The following LRP1B variants were observed in gnomAD, a reference collection of about 807,000 sequenced individuals.
LRP1B encodes the protein LDL receptor related protein 1B, also known as low-density lipoprotein receptor-related protein 1B.
In LRP1B, 217 loss-of-function variants were observed where a neutral mutation model predicts 556.6. The observed-to-expected ratio is 0.39, with a 90% confidence interval of 0.35 to 0.44. The LOEUF (loss-of-function observed/expected upper bound fraction) is 0.44. LRP1B is among the 20% of genes least tolerant of loss of function. The probability of loss-of-function intolerance (pLI) is 1.00; values close to 1 mark genes in which losing one functional copy is unlikely to be tolerated. For missense variants in LRP1B, 5,053 were observed against 5,620.8 expected, an observed-to-expected ratio of 0.90 and a Z score of 3.23; for synonymous variants, 2,047 against 1,865.8, an observed-to-expected ratio of 1.10 and a Z score of -2.50.
At chr2:140,345,735 T>C (rs562971142) in intron 77 of LRP1B, among the ~76,000 whole-genome samples, 7 of 121,762 alleles carry the variant, frequency 5.7e-5, no homozygotes, top group Non-Finnish European at 1.1e-4. Context: ...TACACATATA[T>C]ATACATATAT....
chr2:140,800,623 C>T (rs1445076438), intron 32 of LRP1B, among the ~76,000 whole-genome samples: 6 of 151,996 alleles, frequency 3.9e-5, no homozygotes, highest in Admixed American at 6.6e-5. Flanking sequence ...TAATGTTGTT[C>T]GGCCTGGTTA....
At chr2:140,974,319 A>G (rs992393554) in intron 18 of LRP1B, among the ~76,000 whole-genome samples, 1 of 152,192 alleles carries the variant, frequency 6.6e-6, no homozygotes, top group African/African-American at 2.4e-5. Flanking sequence ...GAATTCCTAT[A>G]TTGGAAAAGA....
At chr2:141,400,933 T>C (rs1362540357) in intron 3 of LRP1B, among the ~76,000 whole-genome samples, 1 of 152,208 alleles carries the variant, frequency 6.6e-6, no homozygotes, top group Non-Finnish European at 1.5e-5. Flanking sequence ...CCAATATAGA[T>C]GCATCATTCC....
chr2:141,826,628 G>A (rs1696938587), intron 1 of LRP1B, among the ~76,000 whole-genome samples: 1 of 151,798 alleles, frequency 6.6e-6, no homozygotes. Flanking sequence ...CAAAGTGCTG[G>A]GATTACAGGC....
intron 2 of LRP1B, among the ~76,000 whole-genome samples, chr2:141,607,376 A>G (rs73965727): frequency 0.026 from 3,984 of 152,230 alleles, 166 homozygotes; most frequent in African/African-American, 0.089. Flanking sequence ...TTCCTGACAC[A>G]TCCTTAAGCT....
chr2:141,267,954 T>C (rs1272242732), intron 3 of LRP1B, among the ~76,000 whole-genome samples: 1 of 152,208 alleles, frequency 6.6e-6, no homozygotes, highest in Non-Finnish European at 1.5e-5. Flanking sequence ...GATTTTTTCA[T>C]ATTTAGTAAA....
chr2:140,599,883 A>T (rs1393199275), intron 42 of LRP1B, among the ~76,000 whole-genome samples: 1 of 152,110 alleles, frequency 6.6e-6, no homozygotes, highest in Non-Finnish European at 1.5e-5. Context: ...TTAAACTTAG[A>T]GAACCTAACT....
intron 2 of LRP1B, among the ~76,000 whole-genome samples, chr2:141,550,170 C>T (rs1465975024): frequency 2.0e-5 from 3 of 152,102 alleles, no homozygotes; most frequent in Non-Finnish European, 2.9e-5. Context: ...CTCCAAGTAG[C>T]GAGATTACAG....
At chr2:140,928,550 T>A (rs1047774141) in intron 20 of LRP1B, among the ~76,000 whole-genome samples, 6 of 152,112 alleles carry the variant, frequency 3.9e-5, no homozygotes, top group Non-Finnish European at 1.5e-5. Context: ...AGATACATCA[T>A]TTCTGATCAC....
At chr2:140,279,603 G>A (rs1486959) in intron 84 of LRP1B, among the ~76,000 whole-genome samples, 149,450 of 152,010 alleles carry the variant, frequency 0.98, 73,536 homozygotes, top group Middle Eastern at 1. Context: ...CCAAGTATCA[G>A]TTCAGCTATT....
intron 15 of LRP1B, among the ~76,000 whole-genome samples, chr2:140,996,420 G>A (rs1697247571): frequency 1.3e-5 from 2 of 151,978 alleles, no homozygotes; most frequent in Non-Finnish European, 2.9e-5. Flanking sequence ...AGTTCAAAAT[G>A]CATGGTCTTT....
At chr2:140,903,767 GATTC>G (rs1234437404) in intron 22 of LRP1B, among the ~76,000 whole-genome samples, 3 of 148,306 alleles carry the variant, frequency 2.0e-5, no homozygotes, top group Non-Finnish European at 4.4e-5. Context: ...TGGTTATTAT[GATTC>G]ATTCAATGAC....
chr2:141,445,385 A>G (rs1681150151), intron 3 of LRP1B, among the ~76,000 whole-genome samples: 1 of 152,006 alleles, frequency 6.6e-6, no homozygotes, highest in African/African-American at 2.4e-5. Context: ...TCCTGCATTC[A>G]TTGAATTTTT....
At chr2:140,928,577 C>T (rs188871430) in intron 20 of LRP1B, among the ~76,000 whole-genome samples, 1 of 152,090 alleles carries the variant, frequency 6.6e-6, no homozygotes, top group Non-Finnish European at 1.5e-5. Flanking sequence ...TTGACCAAAC[C>T]TCATCATATA....
intron 23 of LRP1B, 108 bp downstream of exon 23, chr2:140,902,812 A>C: frequency 8.5e-7 from 1 of 1,178,222 alleles, no homozygotes; most frequent in Non-Finnish European, 1.2e-6. Context: ...TAAATGCTTT[A>C]TCTAAAATGA....
At chr2:140,539,147 T>C (rs1680040922) in intron 45 of LRP1B, among the ~76,000 whole-genome samples, 2 of 152,144 alleles carry the variant, frequency 1.3e-5, no homozygotes, top group African/African-American at 4.8e-5. Context: ...CTAATCTTCT[T>C]GTCAACAGTT....
At chr2:141,286,948 A>G (rs1174078200) in intron 3 of LRP1B, among the ~76,000 whole-genome samples, 1 of 152,188 alleles carries the variant, frequency 6.6e-6, no homozygotes, top group African/African-American at 2.4e-5. Context: ...GTGACTAAGA[A>G]ACTGAATTTT....
intron 3 of LRP1B, among the ~76,000 whole-genome samples, chr2:141,335,504 A>T (rs1687815889): frequency 6.6e-6 from 1 of 152,212 alleles, no homozygotes; most frequent in Non-Finnish European, 1.5e-5. Context: ...TTTGGAATTT[A>T]TCATTCAAGA....
At chr2:141,570,779 G>A (rs531854013) in intron 2 of LRP1B, among the ~76,000 whole-genome samples, 1 of 151,520 alleles carries the variant, frequency 6.6e-6, no homozygotes, top group East Asian at 1.9e-4. Context: ...CACACCAGCT[G>A]TGGTAATCTG....
Sources: allele counts gnomAD v4.1 joint callset (sites outside exome capture counted in the v4.1 genomes callset), GRCh38; gene constraint gnomAD v4.1.1; transcripts MANE v1.5; gene names NCBI Gene and HGNC (gene_info 2026-07-23, HGNC 2026-07-21).